The following PIGN variants were observed in gnomAD, a reference collection of about 807,000 sequenced individuals.
PIGN encodes phosphatidylinositol glycan anchor biosynthesis class N, also known as GPI ethanolamine phosphate transferase 1.
In PIGN, 117 loss-of-function variants were observed where a neutral mutation model predicts 125.4. That is an observed-to-expected ratio of 0.93 (90% CI 0.80 to 1.09). The LOEUF (loss-of-function observed/expected upper bound fraction) is 1.09, where lower values mean the gene tolerates loss of function less well. PIGN is among the 50% of genes least tolerant of loss of function. The pLI is 0.00. For missense variants in PIGN, 1,075 were observed against 1,094.9 expected (o/e 0.98, Z 0.26); for synonymous variants, 392 against 377.8 (o/e 1.04, Z -0.44).
chr18:62,146,742 TTTCTC>T (rs2036342588), intron 9 of PIGN, among the ~76,000 whole-genome samples: 1 of 152,196 alleles, frequency 6.6e-6, no homozygotes, highest in Non-Finnish European at 1.5e-5. Context: ...CTTCTCCACT[TTTCTC>T]TAGTTTGTCA....
chr18:62,184,895 C>T (rs144504570), intron 1 of PIGN, among the ~76,000 whole-genome samples: 1 of 152,298 alleles, frequency 6.6e-6, no homozygotes, highest in Non-Finnish European at 1.5e-5. Context: ...GTACCAGGCA[C>T]TGGGACAAGA....
chr18:62,059,923 A>G (rs2032013913), intron 30 of PIGN, among the ~76,000 whole-genome samples: 1 of 152,242 alleles, frequency 6.6e-6, no homozygotes, highest in Non-Finnish European at 1.5e-5. Context: ...AGGTTAAAAT[A>G]TTAAATCTGA....
At chr18:62,168,853 A>ATT (rs375012504) in intron 1 of PIGN, among the ~76,000 whole-genome samples, 6,548 of 122,148 alleles carry the variant, frequency 0.054, 307 homozygotes, top group African/African-American at 0.08. Flanking sequence ...ACAACCACTA[A>ATT]TTTTTTTTTT....
intron 30 of PIGN, among the ~76,000 whole-genome samples, chr18:62,058,199 C>T (rs756907634): frequency 2.0e-5 from 3 of 149,138 alleles, no homozygotes; most frequent in South Asian, 4.2e-4. Flanking sequence ...TTTCCTTAAC[C>T]CTTTTTCCTA....
At chr18:62,139,547 A>T (rs912536258) in intron 12 of PIGN, among the ~76,000 whole-genome samples, 1 of 152,240 alleles carries the variant, frequency 6.6e-6, no homozygotes, top group Non-Finnish European at 1.5e-5. Flanking sequence ...GTTAAATAAC[A>T]TTATTTTTTA....
At chr18:62,086,894 A>C in intron 25 of PIGN, among the ~76,000 whole-genome samples, 1 of 69,312 alleles carries the variant, frequency 1.4e-5, no homozygotes, top group African/African-American at 3.9e-5. Flanking sequence ...TAAATATGAC[A>C]ACAAGTTGGA....
intron 1 of PIGN, among the ~76,000 whole-genome samples, chr18:62,167,286 ATGTGTGTGTG>A (rs61310777): frequency 0.05 from 7,008 of 139,240 alleles, 362 homozygotes; most frequent in African/African-American, 0.13. Context: ...AGAGATATAT[ATGTGTGTGTG>A]TGTGTGTGTG....
intron 23 of PIGN, among the ~76,000 whole-genome samples, chr18:62,020,507 GT>G (rs35743229): frequency 0.18 from 26,137 of 148,292 alleles, 2,460 homozygotes; most frequent in South Asian, 0.27. Context: ...CTTTAAAACA[GT>G]TTTTTTTTTT....
chr18:62,093,435 T>A (rs113707935), intron 23 of PIGN, among the ~76,000 whole-genome samples: 7 of 152,046 alleles, frequency 4.6e-5, no homozygotes, highest in African/African-American at 1.7e-4. Flanking sequence ...GAGAACATAA[T>A]GAAAACTTAC....
intron 23 of PIGN, among the ~76,000 whole-genome samples, chr18:62,091,721 C>A (rs2033970268): frequency 6.6e-6 from 1 of 152,140 alleles, no homozygotes; most frequent in Non-Finnish European, 1.5e-5. Context: ...TAAACAGTTT[C>A]CGCTTTGTCT....
At chr18:62,053,274 C>T (rs553360110) in intron 30 of PIGN, among the ~76,000 whole-genome samples, 41 of 152,180 alleles carry the variant, frequency 2.7e-4, no homozygotes, top group Non-Finnish European at 4.9e-4. Flanking sequence ...ATATATAATA[C>T]CTACAGCAAC....
intron 17 of PIGN, among the ~76,000 whole-genome samples, chr18:62,107,862 G>A (rs980803837): frequency 6.6e-6 from 1 of 152,172 alleles, no homozygotes; most frequent in African/African-American, 2.4e-5. Context: ...TTTTCTAACT[G>A]AGCTAAATAA....
chr18:62,147,423 G>A (rs2036374732), intron 8 of PIGN, among the ~76,000 whole-genome samples: 1 of 152,052 alleles, frequency 6.6e-6, no homozygotes, highest in African/African-American at 2.4e-5. Context: ...TAAACTGTTT[G>A]GCCACATTAC....
intron 23 of PIGN, among the ~76,000 whole-genome samples, chr18:62,019,299 A>G (rs1376346135): frequency 6.6e-6 from 1 of 152,236 alleles, no homozygotes; most frequent in African/African-American, 2.4e-5. Context: ...TGGGAGGGCT[A>G]AGTTCCACTA....
At chr18:62,075,627 T>C (rs1483971971) in intron 28 of PIGN, 2 of 152,230 alleles carry the variant, frequency 1.3e-5, no homozygotes, top group Non-Finnish European at 2.9e-5. Flanking sequence ...CTTGTGGCTA[T>C]TGTTCCAGTT....
intron 23 of PIGN, among the ~76,000 whole-genome samples, chr18:62,029,356 A>T (rs528320417): frequency 4.6e-5 from 7 of 152,140 alleles, no homozygotes; most frequent in African/African-American, 1.7e-4. Flanking sequence ...TTGTAAGGTC[A>T]TTATAACGGT....
chr18:62,033,594 G>A (rs760959459), intron 23 of PIGN, among the ~76,000 whole-genome samples: 1 of 152,112 alleles, frequency 6.6e-6, no homozygotes, highest in Non-Finnish European at 1.5e-5. Flanking sequence ...ATTGAGTTCT[G>A]TATTTCATTG....
intron 1 of PIGN, among the ~76,000 whole-genome samples, chr18:62,175,069 TA>T (rs1386361864): frequency 7.3e-5 from 7 of 95,744 alleles, no homozygotes; most frequent in Non-Finnish European, 1.2e-4. Context: ...ATATAATAAA[TA>T]TATATATTTA....
chr18:62,077,828 A>G (rs1245410056), intron 28 of PIGN, among the ~76,000 whole-genome samples: 1 of 152,226 alleles, frequency 6.6e-6, no homozygotes, highest in African/African-American at 2.4e-5. Flanking sequence ...CTTAAACAAT[A>G]TAAATTTCCT....
Sources: allele counts gnomAD v4.1 joint callset (sites outside exome capture counted in the v4.1 genomes callset), GRCh38; gene constraint gnomAD v4.1.1; transcripts MANE v1.5; gene names NCBI Gene and HGNC (gene_info 2026-07-23, HGNC 2026-07-21).